Variants in MMRN1 observed in about 807,000 individuals in gnomAD.
MMRN1 encodes multimerin 1, also known as multimerin-1.
In MMRN1, 94 loss-of-function variants were observed where a neutral mutation model predicts 100.7. The ratio of observed to expected loss-of-function variants is 0.93; its 90% CI spans 0.79 to 1.11. MMRN1 has a LOEUF of 1.11. MMRN1 is among the 50% of genes least tolerant of loss of function. MMRN1 has a pLI of 0.00. For missense variants in MMRN1, 1,606 were observed against 1,439.1 expected (o/e 1.12, Z -1.88); for synonymous variants, 575 against 505.0 (o/e 1.14, Z -1.86).
chr4:89,919,618 T>C (rs1722026844), intron 3 of MMRN1, among the ~76,000 whole-genome samples: 1 of 151,916 alleles, frequency 6.6e-6, no homozygotes, highest in South Asian at 2.1e-4. Context: ...GTTGTACATA[T>C]TAAAAGATGT....
chr4:89,919,985 A>G (rs1722037727), intron 3 of MMRN1, among the ~76,000 whole-genome samples: 2 of 152,144 alleles, frequency 1.3e-5, no homozygotes, highest in East Asian at 1.9e-4. Context: ...CACAAAATCT[A>G]TGCACTGCCT....
chr4:89,952,037 A>G (rs937976281), intron 7 of MMRN1, among the ~76,000 whole-genome samples: 25 of 152,146 alleles, frequency 1.6e-4, no homozygotes, highest in Admixed American at 9.8e-4. Flanking sequence ...TCTCTTGTGC[A>G]TCCTAAAAAT....
At chr4:89,942,150 T>C (rs887506406) in intron 6 of MMRN1, among the ~76,000 whole-genome samples, 8 of 152,152 alleles carry the variant, frequency 5.3e-5, no homozygotes, top group African/African-American at 1.4e-4. Flanking sequence ...AATTCCAGGT[T>C]CCATTTACAC....
chr4:89,905,826 C>A (rs998013118), intron 1 of MMRN1, among the ~76,000 whole-genome samples: 1 of 151,504 alleles, frequency 6.6e-6, no homozygotes, highest in South Asian at 2.1e-4. Flanking sequence ...CTTACCTTGA[C>A]TTCTAATGAA....
chr4:89,905,309 A>G (rs1721529968), intron 1 of MMRN1, among the ~76,000 whole-genome samples: 1 of 151,466 alleles, frequency 6.6e-6, no homozygotes, highest in African/African-American at 2.4e-5. Flanking sequence ...TATAATTAAG[A>G]TGATAGTATT....
chr4:89,932,551 A>G (rs1420533644), intron 5 of MMRN1, among the ~76,000 whole-genome samples: 2 of 152,098 alleles, frequency 1.3e-5, no homozygotes, highest in African/African-American at 4.8e-5. Flanking sequence ...CTGCACATCC[A>G]TGTGTTTTCA....
In MMRN1 at chr4:89,929,182, A is replaced by C. The variant is rs957449603; in HGVS notation, c.1129+1214A>C. 3.9e-5 allele frequency among the ~76,000 whole-genome samples: 6 copies of C among 152,148 alleles called. No individual in the cohort carries two copies. In the South Asian group the frequency reaches 8.3e-4, roughly 21 times the overall value. On this transcript the variant is annotated intron_variant, in intron 5 of 7. Coordinates refer to ENST00000264790, the MANE Select transcript of MMRN1 (RefSeq NM_007351.3). ...TATTGTATGAAACTTGTCTGTTTGC[A>C]AGTTTCAGGATTACTGTTTTTTTTC...
chr4:89,881,770 T>G (rs192444246), intron 1 of MMRN1, among the ~76,000 whole-genome samples: 198 of 152,106 alleles, frequency 1.3e-3, no homozygotes, highest in Non-Finnish European at 2.2e-3. Context: ...TTGCAAGTTG[T>G]GTACTGAATT....
At chr4:89,891,998 A>G (rs17806071), upstream of MMRN1, among the ~76,000 whole-genome samples, 1,975 of 151,844 alleles carry the variant, frequency 0.013, 21 homozygotes, top group Non-Finnish European at 0.017. Flanking sequence ...TTTAACTCAC[A>G]TTTATATTTT....
At position 89,886,466 on chromosome 4, in the gene MMRN1, A is replaced by G. The variant is rs531056773; in HGVS notation, c.-249+6864A>G. On this transcript the variant is annotated intron_variant, in intron 1 of 8. Transcript: ENST00000394980. ...TGAGAAATAGTTCATGACCCAAAAC[A>G]TATTCTGTATCAATGAGGGTTCCAT... Among the ~76,000 whole-genome samples the G allele has an allele frequency of 7.9e-5, 12 of 152,274 alleles. No homozygotes were observed. In the South Asian group the frequency reaches 1.2e-3, roughly 16 times the overall value.
chr4:89,879,928 C>T (rs1720783745), intron 1 of MMRN1, among the ~76,000 whole-genome samples: 1 of 152,138 alleles, frequency 6.6e-6, no homozygotes. Flanking sequence ...ACTACTAAAT[C>T]AACAAACTTT....
chr4:89,949,644 C>T (rs1217937072), intron 6 of MMRN1, among the ~76,000 whole-genome samples: 1 of 152,132 alleles, frequency 6.6e-6, no homozygotes, highest in African/African-American at 2.4e-5. Flanking sequence ...AGGTATTACA[C>T]ACATGTAATA....
chr4:89,917,858 C>T (rs1721971485), intron 3 of MMRN1, among the ~76,000 whole-genome samples: 1 of 151,812 alleles, frequency 6.6e-6, no homozygotes, highest in Non-Finnish European at 1.5e-5. Context: ...AAAGTGATTG[C>T]ATTCAATTTT....
At chr4:89,907,915 T>C (rs546981876) in intron 1 of MMRN1, among the ~76,000 whole-genome samples, 3 of 151,346 alleles carry the variant, frequency 2.0e-5, no homozygotes, top group African/African-American at 7.2e-5. Flanking sequence ...TTGTCTGCTT[T>C]TCATGCTGGG....
intron 6 of MMRN1, among the ~76,000 whole-genome samples, chr4:89,946,140 C>G (rs6532206): frequency 0.99 from 150,196 of 152,362 alleles, 74,039 homozygotes; most frequent in East Asian, 1. Context: ...AGCACTGAAA[C>G]TTAAGAATGT....
At chr4:89,903,487 G>A (rs1488088257) in intron 1 of MMRN1, among the ~76,000 whole-genome samples, 3 of 151,422 alleles carry the variant, frequency 2.0e-5, no homozygotes, top group African/African-American at 7.3e-5. Context: ...AATTTATCAG[G>A]TCATTAAAGA....
chr4:89,921,555 C>T (rs1030949811), intron 3 of MMRN1, among the ~76,000 whole-genome samples: 6 of 151,982 alleles, frequency 3.9e-5, no homozygotes. Context: ...AACCTTATTG[C>T]TAGGTCTTAG....
chr4:89,948,347 G>A (rs369817572), intron 6 of MMRN1, among the ~76,000 whole-genome samples: 1 of 152,112 alleles, frequency 6.6e-6, no homozygotes, highest in Non-Finnish European at 1.5e-5. Context: ...TGATAACAAA[G>A]ATAGGGGAGG....
Position 89,935,637 on chromosome 4 carries a change from C to T in MMRN1, c.1957C>T (p.Leu653Phe). ...TGATATGGAGATCCTTCAACCCTTG[C>T]TTGAGCAGGGAGCATCACTCAGACA... ...TYDMEILQPLLEQGASLRQTM... is the reference protein window; with the variant it reads ...TYDMEILQPLFEQGASLRQTM... Residue 653 changes from leucine to phenylalanine, a missense_variant, in exon 6 of 8, where the codon CTT (leucine) becomes TTT (phenylalanine). Physicochemically the swap from Leu to Phe is conservative, Grantham distance 22 (BLOSUM62 0). Coordinates refer to ENST00000264790, the MANE Select transcript of MMRN1 (RefSeq NM_007351.3). 3 of 1,613,428 alleles carry T rather than the reference C, an allele frequency of 1.9e-6. No homozygotes were observed. Among genetic ancestry groups the T allele is most frequent in the Non-Finnish European group, 2.5e-6 (3 of 1,179,714 alleles).
Sources: gnomAD v4.1 joint callset for allele counts (sites outside exome capture counted in the v4.1 genomes callset) on GRCh38, gnomAD v4.1.1 for gene constraint, MANE v1.5 for transcripts, NCBI Gene and HGNC (gene_info 2026-07-23, HGNC 2026-07-21) for gene names.